The following RALGAPA2 variants were observed in gnomAD, a reference collection of about 807,000 sequenced individuals.
RALGAPA2 encodes the protein Ral GTPase activating protein catalytic subunit alpha 2, also known as ral GTPase-activating protein subunit alpha-2.
In RALGAPA2, 139 loss-of-function variants were observed where a neutral mutation model predicts 230.4. The observed-to-expected ratio is 0.60, with a 90% CI of 0.53 to 0.69. RALGAPA2 has a LOEUF of 0.69. Ranked by LOEUF, RALGAPA2 falls within the 30% of genes least tolerant of loss-of-function variation. The pLI, the probability that RALGAPA2 is intolerant of heterozygous loss-of-function variation, is 0.00. For missense variants in RALGAPA2, 2,163 were observed against 2,276.0 expected, an observed-to-expected ratio of 0.95 and a Z score of 1.01; for synonymous variants, 847 against 837.8, an observed-to-expected ratio of 1.01 and a Z score of -0.19.
intron 37 of RALGAPA2, among the ~76,000 whole-genome samples, chr20:20,439,219 T>G (rs1375431253): frequency 6.7e-6 from 1 of 149,614 alleles, no homozygotes; most frequent in Non-Finnish European, 1.5e-5. Context: ...TGGTTTTAGT[T>G]TTTTTTTTTT....
intron 8 of RALGAPA2, 110 bp from the exon 9 acceptor site, chr20:20,635,727 G>T: frequency 2.1e-6 from 2 of 945,262 alleles, no homozygotes; most frequent in Non-Finnish European, 3.1e-6. Context: ...TGTCTAAATA[G>T]CAACTAAGAA....
chr20:20,560,388 T>C (rs2064221812), intron 23 of RALGAPA2, among the ~76,000 whole-genome samples: 1 of 152,236 alleles, frequency 6.6e-6, no homozygotes, highest in Non-Finnish European at 1.5e-5. Flanking sequence ...AGAAAAACTG[T>C]TGTTTATTGC....
chr20:20,459,729 T>G (rs1355715787), intron 37 of RALGAPA2, among the ~76,000 whole-genome samples: 1 of 152,234 alleles, frequency 6.6e-6, no homozygotes, highest in East Asian at 1.9e-4. Context: ...ACAAACAAAT[T>G]AACAAAGTTA....
intron 13 of RALGAPA2, among the ~76,000 whole-genome samples, chr20:20,615,168 T>C (rs1336028339): frequency 6.6e-6 from 1 of 151,628 alleles, no homozygotes; most frequent in East Asian, 1.9e-4. Flanking sequence ...AGGACTTTTT[T>C]TTTTTTTTTT....
chr20:20,587,619 T>A (rs1259032504), intron 18 of RALGAPA2, among the ~76,000 whole-genome samples: 1 of 152,014 alleles, frequency 6.6e-6, no homozygotes. Context: ...AAAAATTCCA[T>A]AAAGCCTCAA....
intron 10 of RALGAPA2, 55 bp downstream of exon 10, chr20:20,629,308 T>C: frequency 7.1e-7 from 1 of 1,401,982 alleles, no homozygotes; most frequent in Non-Finnish European, 9.8e-7. Flanking sequence ...CATTTCCATT[T>C]CAAGAACTTG....
At position 20,637,511 on chromosome 20, in the gene RALGAPA2, A is replaced by G; in HGVS notation, c.667-10T>C. On this transcript the variant is annotated splice_polypyrimidine_tract_variant and intron_variant, in intron 7 of 39. Transcript: ENST00000202677. Reference sequence around the variant, plus strand: ...ACTCCAAGCTCGCAGCCTTTGGATAATATGTGGAAAAGAACATATGTATAT... The same window carrying G: ...ACTCCAAGCTCGCAGCCTTTGGATAGTATGTGGAAAAGAACATATGTATAT... 6.5e-7 allele frequency: 1 copy of G among 1,549,126 alleles called. No individual in the cohort carries two copies. The highest frequency in any genetic ancestry group is 8.7e-7 in the Non-Finnish European group (1 of 1,145,422).
intron 26 of RALGAPA2, among the ~76,000 whole-genome samples, chr20:20,532,113 G>A (rs2063382681): frequency 6.6e-6 from 1 of 152,110 alleles, no homozygotes; most frequent in South Asian, 2.1e-4. Context: ...ACTGTTTCAA[G>A]ATATTTTTGA....
At chr20:20,570,259 T>C (rs1024083641) in intron 23 of RALGAPA2, among the ~76,000 whole-genome samples, 1 of 152,190 alleles carries the variant, frequency 6.6e-6, no homozygotes, top group Non-Finnish European at 1.5e-5. Flanking sequence ...AAGAGTTCAA[T>C]GATTTTTAAA....
chr20:20,409,018 T>C (rs1470192091), intron 38 of RALGAPA2, among the ~76,000 whole-genome samples: 1 of 152,224 alleles, frequency 6.6e-6, no homozygotes, highest in East Asian at 1.9e-4. Flanking sequence ...GAAAGCTCTT[T>C]GAAAAATGCC....
chr20:20,709,654 T>A (rs537949601), intron 1 of RALGAPA2, among the ~76,000 whole-genome samples: 1 of 152,298 alleles, frequency 6.6e-6, no homozygotes, highest in African/African-American at 2.4e-5. Context: ...TTGATACGTG[T>A]CAAGCCTGCC....
intron 4 of RALGAPA2, among the ~76,000 whole-genome samples, chr20:20,650,200 A>G (rs1233683579): frequency 1.3e-5 from 2 of 152,220 alleles, no homozygotes; most frequent in African/African-American, 2.4e-5. Context: ...TAAAGCAAGG[A>G]GCCAGCCATT....
chr20:20,420,239 C>T (rs1213526297), intron 37 of RALGAPA2, among the ~76,000 whole-genome samples: 1 of 152,148 alleles, frequency 6.6e-6, no homozygotes, highest in African/African-American at 2.4e-5. Flanking sequence ...TGGGCCTGGG[C>T]ACAGGAGGCC....
rs1261130676 is a variant in RALGAPA2, at chr20:20,520,923, C to T, written c.4078G>A (p.Glu1360Lys). ...SAELGNLLTV[E>K]EEKKRRSLEL... is the part of the protein sequence containing the mutation. ...TACCTGAAAGAATACTCACCCTCTT[C>T]AACAGTCAGCAGGTTACCCAATTCT... Residue 1360 changes from glutamate to lysine, a missense_variant, in exon 31 of 40, where the codon GAA (glutamate) becomes AAA (lysine). Physicochemically the swap from Glu to Lys is moderately conservative, Grantham distance 56 (BLOSUM62 1). Transcript: ENST00000202677. 1.9e-6 allele frequency: 3 copies of T among 1,606,176 alleles called. No homozygotes were observed. Among genetic ancestry groups the T allele is most frequent in the African/African-American group, 1.3e-5 (1 of 74,898 alleles).
At chr20:20,551,409 C>T (rs1163430208) in intron 23 of RALGAPA2, among the ~76,000 whole-genome samples, 1 of 152,122 alleles carries the variant, frequency 6.6e-6, no homozygotes, top group Non-Finnish European at 1.5e-5. Flanking sequence ...GAACAGATCA[C>T]CAAACTAGTA....
intron 16 of RALGAPA2, among the ~76,000 whole-genome samples, chr20:20,598,099 G>A (rs528245104): frequency 6.6e-6 from 1 of 152,220 alleles, no homozygotes; most frequent in South Asian, 2.1e-4. Flanking sequence ...AATCACACAT[G>A]GCTAAATTCA....
intron 12 of RALGAPA2, among the ~76,000 whole-genome samples, chr20:20,617,493 T>C (rs1017687156): frequency 6.6e-6 from 1 of 152,210 alleles, no homozygotes; most frequent in Admixed American, 6.5e-5. Context: ...TTTTTGAAAG[T>C]AGTATGCCAC....
intron 20 of RALGAPA2, among the ~76,000 whole-genome samples, chr20:20,579,284 G>A (rs1199978187): frequency 1.3e-5 from 2 of 152,162 alleles, no homozygotes; most frequent in Admixed American, 6.5e-5. Context: ...TTTGTTCGCT[G>A]ATTCAAGTAT....
intron 13 of RALGAPA2, among the ~76,000 whole-genome samples, chr20:20,612,832 G>T (rs954470497): frequency 6.6e-6 from 1 of 152,150 alleles, no homozygotes; most frequent in African/African-American, 2.4e-5. Context: ...GCAGAGAAGG[G>T]CAGCACCTAG....
Sources: gnomAD v4.1 joint callset for allele counts (sites outside exome capture counted in the v4.1 genomes callset) on GRCh38, gnomAD v4.1.1 for gene constraint, MANE v1.5 for transcripts, NCBI Gene and HGNC (gene_info 2026-07-23, HGNC 2026-07-21) for gene names.